The following ALK variants were observed in gnomAD, a reference collection of about 807,000 sequenced individuals.
ALK encodes the protein ALK receptor tyrosine kinase, also known as ALK tyrosine kinase receptor.
Under a neutral mutation model 163.1 loss-of-function variants are expected in ALK, and 74 were observed. The ratio of observed to expected loss-of-function variants is 0.45; its 90% CI spans 0.38 to 0.55. The LOEUF is 0.55. Ranked by LOEUF, ALK falls within the 20% of genes least tolerant of loss-of-function variation. The pLI is 0.00. For synonymous variants in ALK, 960 were observed against 843.2 expected (o/e 1.14, Z -2.40); for missense variants, 2,063 against 2,105.3 (o/e 0.98, Z 0.39).
intron 4 of ALK, among the ~76,000 whole-genome samples, chr2:29,442,973 C>T (rs937562855): frequency 6.6e-6 from 1 of 152,224 alleles, no homozygotes; most frequent in Non-Finnish European, 1.5e-5. Flanking sequence ...ATGGTGGCTA[C>T]AGTGTGATGA....
At chr2:29,685,659 A>T (rs1678216063) in intron 3 of ALK, among the ~76,000 whole-genome samples, 1 of 152,202 alleles carries the variant, frequency 6.6e-6, no homozygotes, top group African/African-American at 2.4e-5. Context: ...CCCCAAGAGC[A>T]TGTCAATTTT....
At chr2:29,878,455 G>T (rs1374095374) in intron 1 of ALK, among the ~76,000 whole-genome samples, 1 of 152,138 alleles carries the variant, frequency 6.6e-6, no homozygotes, top group African/African-American at 2.4e-5. Context: ...ACTTGCCTGA[G>T]ATCTAACAAC....
chr2:29,700,471 G>A (rs1043179741), intron 2 of ALK, among the ~76,000 whole-genome samples: 1 of 152,172 alleles, frequency 6.6e-6, no homozygotes, highest in African/African-American at 2.4e-5. Context: ...TTGAACCCGG[G>A]AGGCGGAGGG....
intron 4 of ALK, among the ~76,000 whole-genome samples, chr2:29,475,906 G>A (rs1482070320): frequency 2.0e-5 from 3 of 152,190 alleles, no homozygotes; most frequent in South Asian, 2.1e-4. Flanking sequence ...CCAGACAGGC[G>A]GCAAATGAGA....
chr2:29,879,611 C>T lies in ALK; in HGVS notation c.667+40382G>A, dbSNP rs575126454. Among the ~76,000 whole-genome samples, 12 of 152,322 alleles carry T rather than the reference C, an allele frequency of 7.9e-5. No homozygotes were observed. In the East Asian group the frequency reaches 1.7e-3, roughly 22 times the overall value. Reference sequence around the variant, plus strand: ...GGGAAAGTAGGGTCTGAAGGACTCACGTTTAAGATAATGGTTCATTCAGCT... The same window carrying T: ...GGGAAAGTAGGGTCTGAAGGACTCATGTTTAAGATAATGGTTCATTCAGCT... On this transcript the variant is annotated intron_variant, in intron 1 of 28. Coordinates refer to ENST00000389048, the MANE Select transcript of ALK (RefSeq NM_004304.5).
At position 29,227,196 on chromosome 2, in the gene ALK, G is replaced by T; in HGVS notation, c.2915-122C>A. ...GTGGTCCCTGTTCCTAGGTCCCATA[G>T]CCACTGGAAGCACAACTGTGTAGAA... On this transcript the variant is annotated intron_variant, in intron 17 of 28. Transcript: ENST00000389048. This position sits in a 1 kb window ranked among gnomAD's most constrained non-coding sequence, Gnocchi z 4.4. 8.0e-7 allele frequency: 1 copy of T among 1,251,406 alleles called. No homozygotes were observed. Among genetic ancestry groups the T allele is most frequent in the Non-Finnish European group, 1.2e-6 (1 of 859,540 alleles). The allele number at this position is 1,251,406 out of a possible 1,614,324, so 77.5% of individuals were successfully genotyped here. A position where few individuals can be genotyped will look rare whatever the true frequency, so the allele number is the denominator to read the frequency against.
intron 1 of ALK, among the ~76,000 whole-genome samples, chr2:29,768,737 G>A (rs1470980840): frequency 3.8e-5 from 5 of 131,100 alleles, no homozygotes; most frequent in Admixed American, 2.5e-4. Flanking sequence ...GTGTGTGTGT[G>A]TGTGTGTATA....
intron 5 of ALK, among the ~76,000 whole-genome samples, chr2:29,373,469 A>C (rs1408507165): frequency 6.6e-6 from 1 of 152,102 alleles, no homozygotes; most frequent in East Asian, 1.9e-4. Context: ...TTTGAAAGTA[A>C]TTTTCTTCTG....
intron 4 of ALK, among the ~76,000 whole-genome samples, chr2:29,397,197 T>C (rs4477867): frequency 0.42 from 63,949 of 151,910 alleles, 14,483 homozygotes; most frequent in Middle Eastern, 0.57. Context: ...ATTAGATCAT[T>C]AGGGTGGGCA....
At chr2:29,517,827 G>A (rs116151964) in intron 4 of ALK, among the ~76,000 whole-genome samples, 177 of 152,282 alleles carry the variant, frequency 1.2e-3, no homozygotes, top group African/African-American at 4.1e-3. Flanking sequence ...ACTTCTGGCC[G>A]TATGATTTGT....
At chr2:29,894,980 CCA>C (rs1667233339) in intron 1 of ALK, among the ~76,000 whole-genome samples, 1 of 152,156 alleles carries the variant, frequency 6.6e-6, no homozygotes, top group Non-Finnish European at 1.5e-5. Flanking sequence ...CCCCATGTTT[CCA>C]TCAGTGGTAA....
chr2:29,426,349 C>G (rs913044901), intron 4 of ALK, among the ~76,000 whole-genome samples: 1 of 152,108 alleles, frequency 6.6e-6, no homozygotes, highest in Admixed American at 6.5e-5. Context: ...ACCCATACAT[C>G]CACACACAGA....
At chr2:29,698,645 A>G (rs773296743) in intron 2 of ALK, among the ~76,000 whole-genome samples, 1 of 152,210 alleles carries the variant, frequency 6.6e-6, no homozygotes, top group Non-Finnish European at 1.5e-5. Flanking sequence ...ACAGTGCAAT[A>G]TACAATCCCA....
chr2:29,528,093 C>T (rs768530868), intron 4 of ALK, among the ~76,000 whole-genome samples: 3 of 152,226 alleles, frequency 2.0e-5, no homozygotes, highest in East Asian at 1.9e-4. Flanking sequence ...TTTAAAATAT[C>T]TTTTCAAGTA....
chr2:29,660,561 T>G (rs1326463146), intron 3 of ALK, among the ~76,000 whole-genome samples: 1 of 150,266 alleles, frequency 6.7e-6, no homozygotes, highest in East Asian at 2.0e-4. Flanking sequence ...TGGGGTGTGA[T>G]GAGAAAGAAA....
chr2:29,318,398 G>C lies in ALK; in HGVS notation c.1553C>G (p.Ala518Gly), dbSNP rs1666897757. The change falls in exon 8 of 29, where the codon GCT (alanine) becomes GGT (glycine). Residue 518 changes from alanine (A) to glycine (G), a missense_variant. By Grantham distance (60) the Ala-to-Gly change is moderately conservative. This residue lies in a region of ALK where 987 missense variants were observed against 939.5 expected (regional missense o/e 1.05). Transcript: ENST00000389048. ...GACATCAGTGGTACTGAGCAATAGA[G>C]CATGGTCTAGGAGAGAGGAAAAGAA... The part of the protein sequence containing the change: ...DARFQDHQDH[A>G]LLLSTTDVPA... 1 of 1,610,642 alleles carries C rather than the reference G, an allele frequency of 6.2e-7. No individual in the cohort carries two copies. The highest frequency in any genetic ancestry group is 1.3e-5 in the African/African-American group (1 of 74,858).
intron 28 of ALK, 124 bp downstream of exon 28, chr2:29,196,646 T>C (rs1669030042): frequency 1.3e-6 from 1 of 792,130 alleles, no homozygotes; most frequent in Non-Finnish European, 2.2e-6. Context: ...AAAATTAATT[T>C]TCACTATTTT....
At chr2:29,294,718 T>C (rs1666129752) in intron 9 of ALK, among the ~76,000 whole-genome samples, 1 of 152,238 alleles carries the variant, frequency 6.6e-6, no homozygotes, top group Non-Finnish European at 1.5e-5. Context: ...TGTGAAATTA[T>C]ACTGTTATTA....
chr2:29,279,687 T>C (rs1665657207), intron 9 of ALK, among the ~76,000 whole-genome samples: 1 of 152,176 alleles, frequency 6.6e-6, no homozygotes. Context: ...AAGAGGTTGC[T>C]TCTGGCACCG....
Sources: allele counts gnomAD v4.1 joint callset (sites outside exome capture counted in the v4.1 genomes callset), GRCh38; gene constraint gnomAD v4.1.1; regional missense constraint gnomAD v4.1.1; non-coding constraint Gnocchi (gnomAD v3.1); transcripts MANE v1.5; gene names NCBI Gene and HGNC (gene_info 2026-07-23, HGNC 2026-07-21).